The following GRWD1 variants were observed in gnomAD, a reference collection of about 807,000 sequenced individuals.
GRWD1 encodes glutamate rich WD repeat containing 1.
A neutral mutation model predicts 45.3 loss-of-function variants in GRWD1; 29 were observed. The observed-to-expected ratio is 0.64, with a 90% CI of 0.48 to 0.87. GRWD1 has a LOEUF of 0.87. Among genes scored for constraint, GRWD1 ranks in the 40% least tolerant of loss-of-function variants. GRWD1 has a pLI of 0.00. For missense variants in GRWD1, 592 were observed against 618.8 expected, an observed-to-expected ratio of 0.96 and a Z score of 0.46; for synonymous variants, 262 against 257.6, an observed-to-expected ratio of 1.02 and a Z score of -0.16.
chr19:48,450,363 C>T lies in GRWD1; in HGVS notation c.519C>T (p.Gly173=). The change falls in exon 4 of 7, where the codon GGC becomes GGT. Residue 173 remains glycine, a synonymous_variant. Transcript: ENST00000253237. The surrounding 1 kb of genome is among the most constrained non-coding windows in gnomAD (Gnocchi z 5.1). ...TGGCTGGGGTGTGGTCAGAGAAGGGCCAGGTGGAGGTGTTTGCGCTGCGGC... is the reference window on the plus strand; with the variant it reads ...TGGCTGGGGTGTGGTCAGAGAAGGGTCAGGTGGAGGTGTTTGCGCTGCGGC... ...EPVAGVWSEK[G]QVEVFALRRL... 1 of 1,613,232 alleles carries T rather than the reference C, an allele frequency of 6.2e-7. No homozygotes were observed. The highest frequency in any genetic ancestry group is 1.1e-5 in the South Asian group (1 of 91,052).
At position 48,454,152 on chromosome 19, in the gene GRWD1, C is replaced by T. The variant is rs1971508274; in HGVS notation, c.*1127C>T. 6.6e-6 allele frequency: 1 copy of T among 152,274 alleles called. No homozygotes were observed. The highest frequency in any genetic ancestry group is 1.5e-5 in the Non-Finnish European group (1 of 68,144). 9.4% of individuals were successfully genotyped at this position (152,274 alleles called of 1,614,324 possible). On this transcript the variant is annotated 3_prime_UTR_variant, in exon 7 of 7. Coordinates refer to ENST00000253237, the MANE Select transcript of GRWD1 (RefSeq NM_031485.4). ...GGGCCTCATCCCTGACCCCCACCAG[C>T]TTATGAAGGCTTCATCTCAGGGAAC...
At position 48,450,818 on chromosome 19, in the gene GRWD1, G is replaced by A. The variant is rs1339834458; in HGVS notation, c.825+10G>A. ...ACCGACTGAGAACACGGTGAGGGAG[G>A]GTGGGGTTCTGGTCGTTTAGTTCTG... On this transcript the variant is annotated intron_variant, in intron 5 of 6. Coordinates refer to ENST00000253237, the MANE Select transcript of GRWD1 (RefSeq NM_031485.4). The surrounding 1 kb of genome is among the most constrained non-coding windows in gnomAD (Gnocchi z 5.1). The A allele has an allele frequency of 6.2e-7, 1 of 1,610,726 alleles. No individual in the cohort carries two copies. Among genetic ancestry groups the A allele is most frequent in the Admixed American group, 1.7e-5 (1 of 59,542 alleles).
In GRWD1 at chr19:48,445,991, C is replaced by T. The variant is rs1971393973; in HGVS notation, c.-15C>T. ...TGACGCTCTTACCGGGTGTCAGCAG[C>T]GAGAGGGTTCGAAGATGGCGGCGCG... is the stretch of plus-strand genomic sequence containing the variant. On this transcript the variant is annotated 5_prime_UTR_variant, in exon 1 of 7. Transcript: ENST00000253237. The T allele has an allele frequency of 1.3e-6, 2 of 1,570,026 alleles. No individual in the cohort carries two copies. The highest frequency in any genetic ancestry group is 4.7e-5 in the East Asian group (2 of 42,836).
chr19:48,448,783 CAGAATGAACA>C (rs1394195105), intron 3 of GRWD1, among the ~76,000 whole-genome samples: 1 of 152,070 alleles, frequency 6.6e-6, no homozygotes, highest in Non-Finnish European at 1.5e-5. Context: ...CTGTCTGGAG[CAGAATGAACA>C]AAAGGGAGAA....
At position 48,453,183 on chromosome 19, in the gene GRWD1, C is replaced by G. The variant is rs996739735; in HGVS notation, c.*158C>G. ...ACGTATTGTTCTCTAGAAGGCCTGG[C>G]TCTGATCCAGTGACCCCTCTCACCA... On this transcript the variant is annotated 3_prime_UTR_variant, in exon 7 of 7. Transcript: ENST00000253237. The G allele has an allele frequency of 3.2e-5, 21 of 662,104 alleles. No individual in the cohort carries two copies. The highest frequency in any genetic ancestry group is 3.1e-4 in the African/African-American group (17 of 54,918). 41.0% of individuals were successfully genotyped at this position (662,104 alleles called of 1,614,324 possible). A position where few individuals can be genotyped will look rare whatever the true frequency, so the allele number is the denominator to read the frequency against.
chr19:48,447,315 C>T (rs1458369290), intron 3 of GRWD1, among the ~76,000 whole-genome samples: 1 of 151,946 alleles, frequency 6.6e-6, no homozygotes, highest in Non-Finnish European at 1.5e-5. Context: ...GGCATGATCT[C>T]AGCTCACTGC....
At position 48,452,698 on chromosome 19, in the gene GRWD1, C is replaced by T; in HGVS notation, c.1024-10C>T. The T allele has an allele frequency of 2.6e-6, 4 of 1,549,360 alleles. No homozygotes were observed. The highest frequency in any genetic ancestry group is 3.5e-6 in the Non-Finnish European group (4 of 1,141,154). ...ATTCAGAGCCCGTTCCTCCCATCCT[C>T]TCCCTCTAGTCTGGTTCCCCAGTGG... On this transcript the variant is annotated splice_polypyrimidine_tract_variant and intron_variant, in intron 6 of 6. Coordinates refer to ENST00000253237, the MANE Select transcript of GRWD1 (RefSeq NM_031485.4). This position sits in a 1 kb window ranked among gnomAD's most constrained non-coding sequence, Gnocchi z 5.1.
chr19:48,449,115 C>G (rs1322213383), intron 3 of GRWD1, among the ~76,000 whole-genome samples: 1 of 151,720 alleles, frequency 6.6e-6, no homozygotes, highest in Non-Finnish European at 1.5e-5. Context: ...TTAGATGAGA[C>G]AGAGTCTCGC....
rs1971453192 is a variant in GRWD1 at position 48,450,071 on chromosome 19, T to C, written c.469-242T>C. Among the ~76,000 whole-genome samples, 1 of 151,796 alleles carries C rather than the reference T, an allele frequency of 6.6e-6. No homozygotes were observed. The highest frequency in any genetic ancestry group is 1.5e-5 in the Non-Finnish European group (1 of 67,928). On this transcript the variant is annotated intron_variant, in intron 3 of 6. Coordinates refer to ENST00000253237, the MANE Select transcript of GRWD1 (RefSeq NM_031485.4). The surrounding 1 kb of genome is among the most constrained non-coding windows in gnomAD (Gnocchi z 5.1). ...AACTCCCAGGCATCCTGGGGCTCTA[T>C]CCTCCCACCTCAGCTCCCCCACCCA...
chr19:48,451,589 C>T (rs1046737574), intron 6 of GRWD1, among the ~76,000 whole-genome samples: 4 of 152,262 alleles, frequency 2.6e-5, no homozygotes, highest in East Asian at 1.9e-4. Flanking sequence ...AACTGAGAAT[C>T]GGGGCCCAGC....
intron 3 of GRWD1, among the ~76,000 whole-genome samples, chr19:48,447,070 C>CT (rs2047466507): frequency 4.8e-5 from 6 of 124,114 alleles, no homozygotes; most frequent in South Asian, 2.4e-4. Context: ...GTGCCTGGCC[C>CT]ATTTTTTTTT....
rs758992010 is a variant in GRWD1, at chr19:48,450,546, A to T, written c.682+20A>T. 27 of 1,613,330 alleles carry T rather than the reference A, an allele frequency of 1.7e-5. No individual in the cohort carries two copies. The South Asian group carries it at 2.4e-4, about 14-fold the overall frequency. On this transcript the variant is annotated intron_variant, in intron 4 of 6. Coordinates refer to ENST00000253237, the MANE Select transcript of GRWD1 (RefSeq NM_031485.4). The surrounding 1 kb of genome is among the most constrained non-coding windows in gnomAD (Gnocchi z 5.1). Reference sequence around the variant, plus strand: ...TGACCGGTGAGTCCCTGGGGTGTTCAGGAGTCCCGGGAGGTCGGGGGAGCA... The same window carrying T: ...TGACCGGTGAGTCCCTGGGGTGTTCTGGAGTCCCGGGAGGTCGGGGGAGCA...
In GRWD1 at chr19:48,453,279, G is replaced by A. The variant is rs146113290; in HGVS notation, c.*254G>A. 3 of 428,990 alleles carry A rather than the reference G, an allele frequency of 7.0e-6. No homozygotes were observed. The highest frequency in any genetic ancestry group is 1.2e-3 in the Middle Eastern group (2 of 1,736). The allele number at this position is 428,990 out of a possible 1,614,324, so 26.6% of individuals were successfully genotyped here. ...AGACTTGTGTGGCCTGGTGTGGCCT[G>A]TGTGTCGGATTCCTTCCTGTCAGCT... On this transcript the variant is annotated 3_prime_UTR_variant, in exon 7 of 7. Transcript: ENST00000253237.
chr19:48,450,296 C>T lies in GRWD1; in HGVS notation c.469-17C>T, dbSNP rs1971455642. The T allele has an allele frequency of 6.3e-7, 1 of 1,599,076 alleles. No homozygotes were observed. Among genetic ancestry groups the T allele is most frequent in the Admixed American group, 1.7e-5 (1 of 58,006 alleles). On this transcript the variant is annotated splice_polypyrimidine_tract_variant and intron_variant, in intron 3 of 6. Transcript: ENST00000253237. This position sits in a 1 kb window ranked among gnomAD's most constrained non-coding sequence, Gnocchi z 5.1. ...CCCCTCGCTTCACATCACCCTTCCCCCACCGCTCTTCTGCAGGTGTCATGG... is the reference window on the plus strand; with the variant it reads ...CCCCTCGCTTCACATCACCCTTCCCTCACCGCTCTTCTGCAGGTGTCATGG...
At chr19:48,447,499 C>T (rs1265174301) in intron 3 of GRWD1, among the ~76,000 whole-genome samples, 1 of 152,028 alleles carries the variant, frequency 6.6e-6, no homozygotes, top group Non-Finnish European at 1.5e-5. Flanking sequence ...CCTCGGCTTC[C>T]CAAAGTGCTG....
Position 48,455,961 on chromosome 19 carries a change from G to T in GRWD1, c.*2936G>T, listed in dbSNP as rs1251046118. 6.6e-6 allele frequency: 1 copy of T among 152,268 alleles called. No homozygotes were observed. The highest frequency in any genetic ancestry group is 6.5e-5 in the Admixed American group (1 of 15,286). The allele number at this position is 152,268 out of a possible 1,614,324, so 9.4% of individuals were successfully genotyped here. A position where few individuals can be genotyped will look rare whatever the true frequency, so the allele number is the denominator to read the frequency against. On this transcript the variant is annotated 3_prime_UTR_variant, in exon 7 of 7. Transcript: ENST00000253237. Reference sequence around the variant, plus strand: ...GTGTGTTTGAAACCAGAGTGCTCTTGAGAAGACTGTGGTTTGTCACTCGGG... The same window carrying T: ...GTGTGTTTGAAACCAGAGTGCTCTTTAGAAGACTGTGGTTTGTCACTCGGG...
intron 3 of GRWD1, among the ~76,000 whole-genome samples, chr19:48,447,987 C>T (rs987656854): frequency 6.6e-6 from 1 of 152,074 alleles, no homozygotes; most frequent in Non-Finnish European, 1.5e-5. Flanking sequence ...GTTTCACTCC[C>T]ATTGCCCAGG....
Position 48,453,256 on chromosome 19 carries a change from A to C in GRWD1, c.*231A>C, listed in dbSNP as rs1466864099. 6.1e-6 allele frequency: 3 copies of C among 488,634 alleles called. No homozygotes were observed. The highest frequency in any genetic ancestry group is 5.9e-5 in the African/African-American group (3 of 51,026). 30.3% of individuals were successfully genotyped at this position (488,634 alleles called of 1,614,324 possible). On this transcript the variant is annotated 3_prime_UTR_variant, in exon 7 of 7. Transcript: ENST00000253237. ...TCTGTAAGACCACTCCCACCCAGAG[A>C]CTTGTGTGGCCTGGTGTGGCCTGTG...
chr19:48,450,288 C>T lies in GRWD1; in HGVS notation c.469-25C>T, dbSNP rs754052560. 2.5e-6 allele frequency: 4 copies of T among 1,587,882 alleles called. No individual in the cohort carries two copies. Among genetic ancestry groups the T allele is most frequent in the Non-Finnish European group, 3.4e-6 (4 of 1,164,542 alleles). On this transcript the variant is annotated intron_variant, in intron 3 of 6. Coordinates refer to ENST00000253237, the MANE Select transcript of GRWD1 (RefSeq NM_031485.4). The surrounding 1 kb of genome is among the most constrained non-coding windows in gnomAD (Gnocchi z 5.1). ...CCTCCTCTCCCCTCGCTTCACATCA[C>T]CCTTCCCCCACCGCTCTTCTGCAGG...
Sources: allele counts gnomAD v4.1 joint callset (sites outside exome capture counted in the v4.1 genomes callset), GRCh38; gene constraint gnomAD v4.1.1; non-coding constraint Gnocchi (gnomAD v3.1); transcripts MANE v1.5; gene names NCBI Gene and HGNC (gene_info 2026-07-23, HGNC 2026-07-21).